ELF1: variants seen among roughly 807,000 people sequenced by gnomAD.
The protein encoded by ELF1 is ETS-related transcription factor Elf-1.
ELF1 carries 24 observed loss-of-function variants against 59.9 expected under a neutral mutation model. The ratio of observed to expected loss-of-function variants is 0.40; its 90% confidence interval spans 0.29 to 0.56. The LOEUF (loss-of-function observed/expected upper bound fraction) is 0.56. Among genes scored for constraint, ELF1 ranks in the 20% least tolerant of loss-of-function variants. ELF1 has a pLI of 0.44. For synonymous variants in ELF1, 248 were observed against 266.2 expected, an observed-to-expected ratio of 0.93 and a Z score of 0.67; for missense variants, 627 against 742.2, an observed-to-expected ratio of 0.84 and a Z score of 1.80.
chr13:41,053,984 T>TG (rs1217920941), intron 1 of ELF1, among the ~76,000 whole-genome samples: 2 of 151,676 alleles, frequency 1.3e-5, no homozygotes, highest in Admixed American at 6.6e-5. Flanking sequence ...AAAAAGGGTG[T>TG]GGGGGGATGT....
chr13:40,993,367 A>C, intron 1 of ELF1: 8 of 1,051,640 alleles, frequency 7.6e-6, no homozygotes, highest in Non-Finnish European at 1.2e-5. Flanking sequence ...AGTTGCCTGC[A>C]GGTGTGGGCA....
intron 2 of ELF1, among the ~76,000 whole-genome samples, chr13:40,967,783 GTCTC>G (rs1176326710): frequency 5.9e-5 from 9 of 151,748 alleles, no homozygotes; most frequent in Non-Finnish European, 1.3e-4. Flanking sequence ...TAGAGATGAG[GTCTC>G]TCTATGTTGC....
At chr13:41,043,607 T>G (rs946602091) in intron 1 of ELF1, among the ~76,000 whole-genome samples, 15 of 152,196 alleles carry the variant, frequency 9.9e-5, no homozygotes, top group African/African-American at 3.6e-4. Context: ...AAAGATCAGA[T>G]GGTTGTAGAT....
intron 1 of ELF1, among the ~76,000 whole-genome samples, chr13:40,988,625 T>TA (rs1162526354): frequency 6.6e-6 from 1 of 152,204 alleles, no homozygotes; most frequent in Non-Finnish European, 1.5e-5. Context: ...CTTTAAGTCT[T>TA]AGAGTTTTAC....
chr13:40,981,910 G>T, intron 2 of ELF1, 73 bp downstream of exon 2: 2 of 1,494,828 alleles, frequency 1.3e-6, no homozygotes, highest in South Asian at 2.6e-5. Flanking sequence ...TCTTTTAAAG[G>T]AAATAATTTT....
At chr13:40,963,901 G>C (rs547318469) in intron 2 of ELF1, among the ~76,000 whole-genome samples, 1 of 150,766 alleles carries the variant, frequency 6.6e-6, no homozygotes, top group African/African-American at 2.4e-5. Context: ...GCAAGACTCC[G>C]TCTCAAAAAG....
At chr13:40,953,867 A>G (rs1263844976) in intron 3 of ELF1, among the ~76,000 whole-genome samples, 1 of 152,232 alleles carries the variant, frequency 6.6e-6, no homozygotes, top group Non-Finnish European at 1.5e-5. Flanking sequence ...CAAAGGGAAG[A>G]AAAAACACAA....
intron 1 of ELF1, chr13:40,993,163 T>G: frequency 6.6e-7 from 1 of 1,509,816 alleles, no homozygotes; most frequent in Non-Finnish European, 9.2e-7. Flanking sequence ...ATTTTTGTAG[T>G]GTGTGTGGTT....
chr13:40,959,359 G>A (rs55780081), intron 2 of ELF1, among the ~76,000 whole-genome samples: 5,238 of 152,094 alleles, frequency 0.034, 106 homozygotes, highest in Middle Eastern at 0.054. Context: ...AGCTGGGCAC[G>A]GTGGCATGCA....
intron 2 of ELF1, among the ~76,000 whole-genome samples, chr13:40,978,879 C>T (rs1230663658): frequency 1.3e-5 from 2 of 151,924 alleles, no homozygotes; most frequent in Admixed American, 6.6e-5. Context: ...CTCTTACCCC[C>T]CGCAACTTTT....
chr13:40,937,420 A>C (rs1190188926), intron 8 of ELF1, among the ~76,000 whole-genome samples: 1 of 152,238 alleles, frequency 6.6e-6, no homozygotes, highest in Non-Finnish European at 1.5e-5. Context: ...AAACAGACTC[A>C]AAATAATTAA....
At chr13:40,983,745 C>T (rs1215155789) in intron 1 of ELF1, among the ~76,000 whole-genome samples, 3 of 152,072 alleles carry the variant, frequency 2.0e-5, no homozygotes, top group Admixed American at 2.0e-4. Flanking sequence ...TGGCCTTGTA[C>T]TTATTATTAT....
intron 1 of ELF1, among the ~76,000 whole-genome samples, chr13:41,032,281 G>A (rs189967645): frequency 6.9e-4 from 104 of 150,460 alleles, no homozygotes; most frequent in African/African-American, 2.3e-3. Context: ...GCAATGGTGC[G>A]ATCTCGGCTC....
intron 1 of ELF1, among the ~76,000 whole-genome samples, chr13:41,036,919 A>C (rs1326283442): frequency 6.6e-6 from 1 of 151,674 alleles, no homozygotes; most frequent in Non-Finnish European, 1.5e-5. Context: ...ACACTTGGAC[A>C]CAGGAAGGGG....
chr13:41,059,431 TTTTC>T (rs1219259450), intron 1 of ELF1, among the ~76,000 whole-genome samples: 1 of 152,192 alleles, frequency 6.6e-6, no homozygotes, highest in Non-Finnish European at 1.5e-5. Flanking sequence ...TACTTAGGCT[TTTTC>T]TTTCTTTTTA....
At chr13:41,019,719 T>C (rs1238872544), upstream of ELF1, among the ~76,000 whole-genome samples, 5 of 152,122 alleles carry the variant, frequency 3.3e-5, no homozygotes, top group African/African-American at 1.2e-4. Flanking sequence ...AATGTAACAA[T>C]GGACTGGTGA....
At chr13:40,970,795 A>C (rs540701034) in intron 2 of ELF1, among the ~76,000 whole-genome samples, 1 of 152,214 alleles carries the variant, frequency 6.6e-6, no homozygotes, top group Non-Finnish European at 1.5e-5. Flanking sequence ...AAAGGATTCA[A>C]GTGTCTGGTC....
At chr13:40,994,586 T>C (rs955072991) in intron 1 of ELF1, among the ~76,000 whole-genome samples, 12 of 152,160 alleles carry the variant, frequency 7.9e-5, no homozygotes, top group Admixed American at 2.0e-4. Context: ...GAAATTGCAG[T>C]AAGCTGAGAT....
At chr13:41,011,863 G>T (rs1189396638) in intron 1 of ELF1, among the ~76,000 whole-genome samples, 1 of 152,086 alleles carries the variant, frequency 6.6e-6, no homozygotes, top group East Asian at 1.9e-4. Flanking sequence ...AAGTGGCTGG[G>T]ACTACAGGTG....
Sources: gnomAD v4.1 joint callset for allele counts (sites outside exome capture counted in the v4.1 genomes callset) on GRCh38, gnomAD v4.1.1 for gene constraint, MANE v1.5 for transcripts, NCBI Gene and HGNC (gene_info 2026-07-23, HGNC 2026-07-21) for gene names.